C17orf107: variants seen among roughly 807,000 people sequenced by gnomAD.
The protein encoded by C17orf107 is chromosome 17 open reading frame 107, also known as uncharacterized protein C17orf107.
Under a neutral mutation model 8.9 loss-of-function variants are expected in C17orf107, and 9 were observed. The ratio of observed to expected loss-of-function variants is 1.02; its 90% confidence interval spans 0.61 to 1.77. The LOEUF is 1.77. Among genes scored for constraint, C17orf107 ranks in the 40% most tolerant of loss-of-function variants. C17orf107 has a pLI of 0.00. For synonymous variants in C17orf107, 139 were observed against 120.3 expected, an observed-to-expected ratio of 1.16 and a Z score of -1.02; for missense variants, 281 against 249.0, an observed-to-expected ratio of 1.13 and a Z score of -0.86.
At position 4,900,667 on chromosome 17, in the gene C17orf107, C is replaced by T; in HGVS notation, c.*134C>T. The T allele has an allele frequency of 6.9e-7, 1 of 1,441,622 alleles. No individual in the cohort carries two copies. Among genetic ancestry groups the T allele is most frequent in the South Asian group, 1.2e-5 (1 of 81,104 alleles). 89.3% of individuals were successfully genotyped at this position (1,441,622 alleles called of 1,614,324 possible). On this transcript the variant is annotated 3_prime_UTR_variant, in exon 3 of 3. Transcript: ENST00000381365. ...CAGGGACTCCATCCCCGTACCAGCCCCACCCAGCGTCCGAATAAAGCCCAG... is the reference window on the plus strand; with the variant it reads ...CAGGGACTCCATCCCCGTACCAGCCTCACCCAGCGTCCGAATAAAGCCCAG...
rs1969897413 is a variant in C17orf107 at position 4,899,726 on chromosome 17, C to T, written c.-37C>T. On this transcript the variant is annotated 5_prime_UTR_variant, in exon 1 of 3. Coordinates refer to ENST00000381365, the MANE Select transcript of C17orf107 (RefSeq NM_001145536.2). ...CCCCCTACACGACGACAGACGCGTCCCCCAGCCCTTCTCCTGTCCTACCAC... is the reference window on the plus strand; with the variant it reads ...CCCCCTACACGACGACAGACGCGTCTCCCAGCCCTTCTCCTGTCCTACCAC... The T allele has an allele frequency of 6.5e-6, 10 of 1,536,744 alleles. No homozygotes were observed. The highest frequency in any genetic ancestry group is 8.8e-6 in the Non-Finnish European group (10 of 1,133,796).
downstream of C17orf107, chr17:4,903,160 G>A (rs559727422): frequency 8.2e-7 from 1 of 1,218,520 alleles, no homozygotes; most frequent in African/African-American, 1.5e-5. Context: ...GTTAGTTCCG[G>A]GCTGTTAGGG....
At position 4,902,658 on chromosome 17, in the gene C17orf107, A is replaced by T; in HGVS notation, c.*2125A>T. The T allele has an allele frequency of 6.2e-7, 1 of 1,613,902 alleles. No homozygotes were observed. Among genetic ancestry groups the T allele is most frequent in the Non-Finnish European group, 8.5e-7 (1 of 1,179,954 alleles). On this transcript the variant is annotated 3_prime_UTR_variant, in exon 3 of 3. Coordinates refer to ENST00000381365, the MANE Select transcript of C17orf107 (RefSeq NM_001145536.2). This position sits in a 1 kb window ranked among gnomAD's most constrained non-coding sequence, Gnocchi z 4.0. ...ATTCGTCAGGGTGACCTTGAGGCTG[A>T]TGGTGACAGTATCCTCAGGCTCCCG...
chr17:4,906,300 G>A (rs988485555), downstream of C17orf107, among the ~76,000 whole-genome samples: 1 of 152,110 alleles, frequency 6.6e-6, no homozygotes, highest in Admixed American at 6.6e-5. Context: ...TCACCCTCTA[G>A]CAACCCAGCC....
rs1969921866 is a variant in C17orf107, at chr17:4,900,031, G to A, written c.162G>A (p.Leu54=). 5 of 1,551,312 alleles carry A rather than the reference G, an allele frequency of 3.2e-6. No individual in the cohort carries two copies. Among genetic ancestry groups the A allele is most frequent in the African/African-American group, 1.4e-5 (1 of 73,052 alleles). The change falls in exon 2 of 3, where the codon CTG becomes CTA. Residue 54 remains leucine (L), a synonymous_variant. Transcript: ENST00000381365. ...AGAGGTTCAGAGAGCTGAAGTCCCT[G>A]GAGCCACCCGAACCGAAGATGCAGG... ...LEQRFRELKS[L]EPPEPKMQGM...
At chr17:4,905,523 C>T (rs984287051), downstream of C17orf107, among the ~76,000 whole-genome samples, 1 of 152,134 alleles carries the variant, frequency 6.6e-6, no homozygotes, top group Non-Finnish European at 1.5e-5. Flanking sequence ...TACGATCACA[C>T]TACACTCCAG....
At position 4,902,810 on chromosome 17, in the gene C17orf107, G is replaced by A; in HGVS notation, c.*2277G>A. ...AGGGTCATTGGCAATGAAGAGGCTG[G>A]AGCACCTCTCTCCCCTCTGCCTCCC... On this transcript the variant is annotated 3_prime_UTR_variant, in exon 3 of 3. Transcript: ENST00000381365. The surrounding 1 kb of genome is among the most constrained non-coding windows in gnomAD (Gnocchi z 4.0). 2 of 1,613,590 alleles carry A rather than the reference G, an allele frequency of 1.2e-6. No individual in the cohort carries two copies. The highest frequency in any genetic ancestry group is 1.1e-5 in the South Asian group (1 of 91,046).
Position 4,900,557 on chromosome 17 carries a change from G to A in C17orf107, c.*24G>A. The A allele has an allele frequency of 6.5e-7, 1 of 1,550,306 alleles. No homozygotes were observed. On this transcript the variant is annotated 3_prime_UTR_variant, in exon 3 of 3. Transcript: ENST00000381365. Reference sequence around the variant, plus strand: ...AGGGGCCAGAGGCGGCGGGGCTAGGGAGGCACTGAGCCGGACTGTCCCCCA... The same window carrying A: ...AGGGGCCAGAGGCGGCGGGGCTAGGAAGGCACTGAGCCGGACTGTCCCCCA...
Position 4,900,699 on chromosome 17 carries a change from G to T in C17orf107, c.*166G>T, listed in dbSNP as rs370199113. 8.4e-4 allele frequency: 1,232 copies of T among 1,471,890 alleles called. 7 individuals carry two copies. The African/African-American group carries it at 0.016, about 19-fold the overall frequency. The allele number at this position is 1,471,890 out of a possible 1,614,324, so 91.2% of individuals were successfully genotyped here. ...GCGTCCGAATAAAGCCCAGGGCGGG[G>T]CGAGACAGCCAGAGCTTTTCCCGGG... On this transcript the variant is annotated 3_prime_UTR_variant, in exon 3 of 3. Transcript: ENST00000381365.
chr17:4,904,474 T>C (rs1970064757), downstream of C17orf107, among the ~76,000 whole-genome samples: 1 of 152,134 alleles, frequency 6.6e-6, no homozygotes, highest in Non-Finnish European at 1.5e-5. Context: ...GGGACTAGGG[T>C]GCCAGGAATC....
chr17:4,904,092 C>T (rs928644216), downstream of C17orf107, among the ~76,000 whole-genome samples: 16 of 152,178 alleles, frequency 1.1e-4, no homozygotes, highest in African/African-American at 3.9e-4. Flanking sequence ...CTCCTGACCT[C>T]GTGAGCCACC....
chr17:4,904,610 A>C (rs1227918554), downstream of C17orf107, among the ~76,000 whole-genome samples: 2 of 152,198 alleles, frequency 1.3e-5, no homozygotes, highest in African/African-American at 4.8e-5. Context: ...TCCTGAATAC[A>C]TGAAAGGGGA....
In C17orf107 at chr17:4,901,884, GCC is replaced by G. The variant is rs113559784; in HGVS notation, c.*1359_*1360del. ...TTCCCGGTTGGCCCCGCCCCATAAG[GCC>G]CCCCCCCAACAATAATCGTCCGGGC... On this transcript the variant is annotated 3_prime_UTR_variant, in exon 3 of 3. Transcript: ENST00000381365. The G allele has an allele frequency of 9.2e-6, 14 of 1,526,466 alleles. No homozygotes were observed. The African/African-American group carries it at 1.4e-4, about 16-fold the overall frequency. 94.6% of individuals were successfully genotyped at this position (1,526,466 alleles called of 1,614,324 possible). A position where few individuals can be genotyped will look rare whatever the true frequency, so the allele number is the denominator to read the frequency against.
At position 4,901,604 on chromosome 17, in the gene C17orf107, T is replaced by TAG; in HGVS notation, c.*1071_*1072insAG. 1.2e-6 allele frequency: 2 copies of TAG among 1,614,164 alleles called. No individual in the cohort carries two copies. The highest frequency in any genetic ancestry group is 1.7e-6 in the Non-Finnish European group (2 of 1,180,016). On this transcript the variant is annotated 3_prime_UTR_variant, in exon 3 of 3. Coordinates refer to ENST00000381365, the MANE Select transcript of C17orf107 (RefSeq NM_001145536.2). ...CTACGGCAAAAGTGAACTCCACCTC[T>TAG]TCGGCATTGTACGTCTGAGAGCTGC... is the stretch of plus-strand genomic sequence containing the variant.
At chr17:4,903,443 A>T (rs35031588), downstream of C17orf107, among the ~76,000 whole-genome samples, 32,488 of 151,964 alleles carry the variant, frequency 0.21, 4,399 homozygotes, top group African/African-American at 0.38. Flanking sequence ...ACCCTGACTG[A>T]TGAACACATC....
chr17:4,900,628 G>A lies in C17orf107; in HGVS notation c.*95G>A, dbSNP rs1969949912. On this transcript the variant is annotated 3_prime_UTR_variant, in exon 3 of 3. Coordinates refer to ENST00000381365, the MANE Select transcript of C17orf107 (RefSeq NM_001145536.2). ...TCCAGGTGACGTCCAGCAGCAGTGA[G>A]GAGGACGGCGGACCAGGGACTCCAT... 6.7e-7 allele frequency: 1 copy of A among 1,489,892 alleles called. No homozygotes were observed. Among genetic ancestry groups the A allele is most frequent in the Non-Finnish European group, 9.1e-7 (1 of 1,098,090 alleles). The allele number at this position is 1,489,892 out of a possible 1,614,324, so 92.3% of individuals were successfully genotyped here.
In C17orf107 at chr17:4,901,892, C is replaced by CCG. The variant is rs386794777; in HGVS notation, c.*1360_*1361insGC. Reference sequence around the variant, plus strand: ...TGGCCCCGCCCCATAAGGCCCCCCCCCAACAATAATCGTCCGGGCCTCGGA... The same window carrying CCG: ...TGGCCCCGCCCCATAAGGCCCCCCCCCGCAACAATAATCGTCCGGGCCTCGGA... On this transcript the variant is annotated 3_prime_UTR_variant, in exon 3 of 3. Coordinates refer to ENST00000381365, the MANE Select transcript of C17orf107 (RefSeq NM_001145536.2). 16 of 1,606,558 alleles carry CCG rather than the reference C, an allele frequency of 1.0e-5. No homozygotes were observed. The highest frequency in any genetic ancestry group is 6.8e-5 in the African/African-American group (5 of 73,434).
Position 4,901,180 on chromosome 17 carries a change from C to T in C17orf107, c.*647C>T. Reference sequence around the variant, plus strand: ...CCCCCGGGCAGAAGTCGATGGCCCACTCGCCGTTCTCTGCGGGACGGGGGC... The same window carrying T: ...CCCCCGGGCAGAAGTCGATGGCCCATTCGCCGTTCTCTGCGGGACGGGGGC... On this transcript the variant is annotated 3_prime_UTR_variant, in exon 3 of 3. Coordinates refer to ENST00000381365, the MANE Select transcript of C17orf107 (RefSeq NM_001145536.2). The T allele has an allele frequency of 6.2e-7, 1 of 1,604,892 alleles. No homozygotes were observed.
Position 4,901,591 on chromosome 17 carries a change from T to G in C17orf107, c.*1058T>G, listed in dbSNP as rs748624980. 3.1e-6 allele frequency: 5 copies of G among 1,614,126 alleles called. No individual in the cohort carries two copies. Among genetic ancestry groups the G allele is most frequent in the Middle Eastern group, 1.6e-4 (1 of 6,062 alleles). The stretch of plus-strand genomic sequence containing the variant: ...TTGCCGTCGTTGTCTACGGCAAAAG[T>G]GAACTCCACCTCTTCGGCATTGTAC... On this transcript the variant is annotated 3_prime_UTR_variant, in exon 3 of 3. Coordinates refer to ENST00000381365, the MANE Select transcript of C17orf107 (RefSeq NM_001145536.2).
Sources: allele counts gnomAD v4.1 joint callset (sites outside exome capture counted in the v4.1 genomes callset), GRCh38; gene constraint gnomAD v4.1.1; non-coding constraint Gnocchi (gnomAD v3.1); transcripts MANE v1.5; gene names NCBI Gene and HGNC (gene_info 2026-07-23, HGNC 2026-07-21).